The following MAN1B1 variants were observed in gnomAD, a reference collection of about 807,000 sequenced individuals.
The protein encoded by MAN1B1 is endoplasmic reticulum mannosyl-oligosaccharide 1,2-alpha-mannosidase.
Under a neutral mutation model 75.5 loss-of-function variants are expected in MAN1B1, and 66 were observed. That is an observed-to-expected ratio of 0.87 (90% CI 0.72 to 1.07). The LOEUF (loss-of-function observed/expected upper bound fraction) is 1.07, where lower values mean the gene tolerates loss of function less well. Among genes scored for constraint, MAN1B1 ranks in the 50% least tolerant of loss-of-function variants. The pLI is 0.00. For synonymous variants in MAN1B1, 453 were observed against 382.8 expected, an observed-to-expected ratio of 1.18 and a Z score of -2.14; for missense variants, 973 against 912.5, an observed-to-expected ratio of 1.07 and a Z score of -0.85.
chr9:137,088,015 A>T, intron 1 of MAN1B1, 60 bp from the exon 2 acceptor site: 4 of 1,257,650 alleles, frequency 3.2e-6, no homozygotes, highest in Non-Finnish European at 4.7e-6. Context: ...AGTTTGTGAC[A>T]GTTGAGACGT....
chr9:137,100,155 T>G (rs574720471), intron 6 of MAN1B1, among the ~76,000 whole-genome samples: 21 of 152,202 alleles, frequency 1.4e-4, no homozygotes, highest in Non-Finnish European at 2.4e-4. Context: ...AGGCTGTGCT[T>G]CTCTTGCAGC....
At chr9:137,103,778 G>T in intron 8 of MAN1B1, 1 of 445,834 alleles carries the variant, frequency 2.2e-6, no homozygotes. Flanking sequence ...TCACACTGTT[G>T]CAGGTGTGCA....
At chr9:137,106,633 C>T in intron 9 of MAN1B1, 56 bp from the exon 10 acceptor site, 1 of 1,611,176 alleles carries the variant, frequency 6.2e-7, no homozygotes, top group Non-Finnish European at 8.5e-7. Context: ...TCCCTGGTGC[C>T]CCACGGGAGC....
intron 8 of MAN1B1, chr9:137,101,875 G>A: frequency 2.8e-6 from 2 of 724,190 alleles, no homozygotes; most frequent in Non-Finnish European, 4.9e-6. Flanking sequence ...GTGCAGGTCG[G>A]TGGTGTTACA....
At chr9:137,096,017 G>A (rs576163105) in intron 3 of MAN1B1, among the ~76,000 whole-genome samples, 1 of 152,338 alleles carries the variant, frequency 6.6e-6, no homozygotes, top group East Asian at 1.9e-4. Context: ...AGGGGCTTAA[G>A]CGTTTTGTCT....
rs144304981 is a variant in MAN1B1 at position 137,101,513 on chromosome 9, C to T, written c.1095C>T (p.Ala365=). The T allele has an allele frequency of 1.4e-4, 222 of 1,613,924 alleles. 1 individual carries two copies. The African/African-American group carries it at 2.8e-3, about 20-fold the overall frequency. Residue 365 remains alanine, a synonymous_variant, in exon 8 of 13, where the codon GCC becomes GCT. Coordinates refer to ENST00000371589, the MANE Select transcript of MAN1B1 (RefSeq NM_016219.5). ...AEDFGNRLMP[A]FRTPSKIPYS... is the part of the protein sequence containing the mutation. ...ATTTTGGAAATCGGCTAATGCCTGC[C>T]TTCAGAACACCATCCAAGATTCCTT...
chr9:137,102,557 T>G (rs1588619132), intron 8 of MAN1B1: 1 of 410,028 alleles, frequency 2.4e-6, no homozygotes, highest in East Asian at 7.4e-5. Context: ...GTTACACACA[T>G]TCACGCTGTT....
At position 137,088,959 on chromosome 9, in the gene MAN1B1, A is replaced by G. The variant is rs759835623; in HGVS notation, c.419A>G (p.Gln140Arg). 6.2e-7 allele frequency: 1 copy of G among 1,614,056 alleles called. No individual in the cohort carries two copies. Among genetic ancestry groups the G allele is most frequent in the South Asian group, 1.1e-5 (1 of 91,090 alleles). ...AATCCACCCGTCTTACCAGCTCCTC[A>G]GAAGGCGGACACCGACCCTGAGAAC... is the stretch of plus-strand genomic sequence containing the variant. The part of the protein sequence containing the change: ...PANPPVLPAP[Q>R]KADTDPENLP... The change falls in exon 3 of 13, where the codon CAG becomes CGG. Residue 140 changes from glutamine to arginine, a missense_variant. Transcript: ENST00000371589.
At chr9:137,103,326 G>T (rs570667957) in intron 8 of MAN1B1, 1 of 443,914 alleles carries the variant, frequency 2.3e-6, no homozygotes, top group East Asian at 7.3e-5. Flanking sequence ...GTGCAGGTCG[G>T]TGGTGTTACA....
chr9:137,101,499 C>T lies in MAN1B1; in HGVS notation c.1081C>T (p.Arg361Trp), dbSNP rs376873444. The change falls in exon 8 of 13, where the codon CGG (arginine) becomes TGG (tryptophan). Residue 361 changes from arginine to tryptophan, a missense_variant. Physicochemically the swap from Arg to Trp is moderately radical, Grantham distance 101. Transcript: ENST00000371589. ...FLRKAEDFGN[R>W]LMPAFRTPSK... Reference sequence around the variant, plus strand: ...CATATACCAGGAGGATTTTGGAAATCGGCTAATGCCTGCCTTCAGAACACC... The same window carrying T: ...CATATACCAGGAGGATTTTGGAAATTGGCTAATGCCTGCCTTCAGAACACC... The T allele has an allele frequency of 2.5e-6, 4 of 1,613,856 alleles. No homozygotes were observed. The highest frequency in any genetic ancestry group is 2.5e-6 in the Non-Finnish European group (3 of 1,180,034).
chr9:137,104,218 C>T (rs369558467), intron 8 of MAN1B1: 5 of 374,004 alleles, frequency 1.3e-5, no homozygotes, highest in African/African-American at 4.3e-5. Context: ...TGAGTGCAGT[C>T]ACACACGATT....
chr9:137,106,025 G>T (rs540552141), intron 8 of MAN1B1, 100 bp from the exon 9 acceptor site: 2 of 926,656 alleles, frequency 2.2e-6, no homozygotes, highest in Non-Finnish European at 3.5e-6. Flanking sequence ...GAGTCAGTCG[G>T]TGCTGGGGCG....
rs1213319145 is a variant in MAN1B1, at chr9:137,108,449, G to A, written c.1958G>A (p.Arg653Lys). 6.2e-7 allele frequency: 1 copy of A among 1,613,982 alleles called. No individual in the cohort carries two copies. Among genetic ancestry groups the A allele is most frequent in the Non-Finnish European group, 8.5e-7 (1 of 1,180,022 alleles). The change falls in exon 13 of 13, where the codon AGG becomes AAG. Residue 653 changes from arginine to lysine, a missense_variant. Arg to Lys is a conservative substitution (Grantham distance 26, BLOSUM62 2). Transcript: ENST00000371589. ...CAGGATCCTCAGAAGCCCGAGCCTA[G>A]GGACAAGATGGAGAGCTTCTTCCTG... is the stretch of plus-strand genomic sequence containing the variant. ...NVQDPQKPEP[R>K]DKMESFFLGE...
In MAN1B1 at chr9:137,106,459, T is replaced by C. The variant is rs187291103; in HGVS notation, c.1445+144T>C. 1.7e-5 allele frequency: 17 copies of C among 993,986 alleles called. No individual in the cohort carries two copies. In the Admixed American group the frequency reaches 3.7e-4, roughly 22 times the overall value. The allele number at this position is 993,986 out of a possible 1,614,324, so 61.6% of individuals were successfully genotyped here. On this transcript the variant is annotated intron_variant, in intron 9 of 12. Coordinates refer to ENST00000371589, the MANE Select transcript of MAN1B1 (RefSeq NM_016219.5). ...CAGGAAACCGCAGCCGTGCCAGGCC[T>C]GGCCCAGGCATTTATGTGGAGGGCG... is the stretch of plus-strand genomic sequence containing the variant.
chr9:137,092,599 A>G (rs1171007041), intron 3 of MAN1B1, among the ~76,000 whole-genome samples: 1 of 152,172 alleles, frequency 6.6e-6, no homozygotes, highest in African/African-American at 2.4e-5. Flanking sequence ...AAATGTCCCC[A>G]TTACATCCGT....
At chr9:137,102,308 G>T (rs36142938) in intron 8 of MAN1B1, 10 of 325,198 alleles carry the variant, frequency 3.1e-5, no homozygotes, top group African/African-American at 1.2e-4. Context: ...CGTGCAGGTC[G>T]GTGGTGTTAC....
At chr9:137,087,949 A>AG (rs1207594891) in intron 1 of MAN1B1, 126 bp from the exon 2 acceptor site, 2 of 856,650 alleles carry the variant, frequency 2.3e-6, no homozygotes, top group African/African-American at 3.4e-5. Flanking sequence ...TTCCAAAAAA[A>AG]AAAAGAAATA....
At chr9:137,091,727 C>T (rs921178459) in intron 3 of MAN1B1, among the ~76,000 whole-genome samples, 13 of 151,826 alleles carry the variant, frequency 8.6e-5, no homozygotes, top group Admixed American at 3.3e-4. Flanking sequence ...GGGGTTTCAC[C>T]GTGTTAGCCA....
intron 3 of MAN1B1, among the ~76,000 whole-genome samples, chr9:137,090,573 T>C (rs901997696): frequency 6.6e-6 from 1 of 151,616 alleles, no homozygotes; most frequent in African/African-American, 2.4e-5. Flanking sequence ...GGAATCTCAC[T>C]CTGTCGCCCA....
Sources: gnomAD v4.1 joint callset for allele counts (sites outside exome capture counted in the v4.1 genomes callset) on GRCh38, gnomAD v4.1.1 for gene constraint, MANE v1.5 for transcripts, NCBI Gene and HGNC (gene_info 2026-07-23, HGNC 2026-07-21) for gene names.